The following LRCH4 variants were observed in gnomAD, a reference collection of about 807,000 sequenced individuals.
LRCH4 encodes leucine rich repeats and calponin homology domain containing 4.
In LRCH4, 56 loss-of-function variants were observed where a neutral mutation model predicts 81.2. The observed-to-expected ratio is 0.69, with a 90% CI of 0.56 to 0.86. The LOEUF is 0.86. LRCH4 is among the 40% of genes least tolerant of loss of function. The pLI, the probability that LRCH4 is intolerant of heterozygous loss-of-function variation, is 0.00. For missense variants in LRCH4, 895 were observed against 922.8 expected (o/e 0.97, Z 0.39); for synonymous variants, 442 against 409.7 (o/e 1.08, Z -0.95).
intron 4 of LRCH4, chr7:100,580,404 T>TCACACA (rs60848197): frequency 0.034 from 4,639 of 137,832 alleles, 88 homozygotes; most frequent in Middle Eastern, 0.052. Context: ...CATACACACA[T>TCACACA]CACACACACA....
chr7:100,581,443 G>A (rs1584409042), intron 4 of LRCH4, among the ~76,000 whole-genome samples: 1 of 152,196 alleles, frequency 6.6e-6, no homozygotes. Flanking sequence ...GATGGGATTA[G>A]GAAGCGAGGC....
intron 1 of LRCH4, among the ~76,000 whole-genome samples, chr7:100,585,650 C>A (rs957394105): frequency 3.3e-5 from 5 of 152,098 alleles, no homozygotes; most frequent in African/African-American, 1.2e-4. Context: ...AAGGAGGAAT[C>A]TCTCCCAACG....
chr7:100,578,994 G>A lies in LRCH4; in HGVS notation c.599-208C>T, dbSNP rs1225058964. 4 of 577,748 alleles carry A rather than the reference G, an allele frequency of 6.9e-6. No homozygotes were observed. Among genetic ancestry groups the A allele is most frequent in the African/African-American group, 1.9e-5 (1 of 53,186 alleles). The allele number at this position is 577,748 out of a possible 1,614,324, so 35.8% of individuals were successfully genotyped here. On this transcript the variant is annotated intron_variant, in intron 4 of 17. Coordinates refer to ENST00000310300, the MANE Select transcript of LRCH4 (RefSeq NM_002319.5). The surrounding 1 kb of genome is among the most constrained non-coding windows in gnomAD (Gnocchi z 5.7). ...ACGGTCTAAGCGAGCCTCCCTGAGA[G>A]GGCCCATCTGGACGTCAGCTCAGCT... is the stretch of plus-strand genomic sequence containing the variant.
Position 100,578,039 on chromosome 7 carries a change from G to T in LRCH4, c.948+120C>A. 1.5e-6 allele frequency: 2 copies of T among 1,303,344 alleles called. No homozygotes were observed. Among genetic ancestry groups the T allele is most frequent in the Non-Finnish European group, 2.2e-6 (2 of 915,382 alleles). The allele number at this position is 1,303,344 out of a possible 1,614,324, so 80.7% of individuals were successfully genotyped here. Reference sequence around the variant, plus strand: ...CAGCCCTTCCCTGGGATGCTGGGCAGAGGGAAGGAAGAGGACAGCTCCAGC... The same window carrying T: ...CAGCCCTTCCCTGGGATGCTGGGCATAGGGAAGGAAGAGGACAGCTCCAGC... On this transcript the variant is annotated intron_variant, in intron 7 of 17. Transcript: ENST00000310300. The surrounding 1 kb of genome is among the most constrained non-coding windows in gnomAD (Gnocchi z 5.7).
In LRCH4 at chr7:100,575,639, ACCAT is replaced by A; in HGVS notation, c.1854+62_1854+65del. 1 of 1,566,254 alleles carries A rather than the reference ACCAT, an allele frequency of 6.4e-7. No homozygotes were observed. The highest frequency in any genetic ancestry group is 8.8e-7 in the Non-Finnish European group (1 of 1,136,344). On this transcript the variant is annotated intron_variant, in intron 17 of 17. Transcript: ENST00000310300. This position sits in a 1 kb window ranked among gnomAD's most constrained non-coding sequence, Gnocchi z 5.3. The stretch of plus-strand genomic sequence containing the variant: ...AGACATCCGCTGCAAATGGAAGCCC[ACCAT>A]CCATGCCACATGCTCGGCTGAGTCC...
Position 100,577,519 on chromosome 7 carries a change from T to G in LRCH4, c.1156A>C (p.Arg386=), listed in dbSNP as rs1345002506. Residue 386 remains arginine, a synonymous_variant, in exon 10 of 18, where the codon AGG becomes CGG. Coordinates refer to ENST00000310300, the MANE Select transcript of LRCH4 (RefSeq NM_002319.5). The surrounding 1 kb of genome is among the most constrained non-coding windows in gnomAD (Gnocchi z 6.7). ...PPELSPGAGD[R]ERAPSSRREE... ...TACCTGCTGCTTGGTGCCCTCTCCC[T>G]GTCCCCTGCCCCAGGGCTTAATTCG... is the stretch of plus-strand genomic sequence containing the variant. The G allele has an allele frequency of 6.2e-7, 1 of 1,610,050 alleles. No individual in the cohort carries two copies. The highest frequency in any genetic ancestry group is 2.2e-5 in the East Asian group (1 of 44,868).
Position 100,576,349 on chromosome 7 carries a change from C to T in LRCH4, c.1553-26G>A, listed in dbSNP as rs776280587. ...CTAGGAGAAAAAGGGGGGCATGGGGCTGCCTCCACTGCTCACCACTGACTC... is the reference window on the plus strand; with the variant it reads ...CTAGGAGAAAAAGGGGGGCATGGGGTTGCCTCCACTGCTCACCACTGACTC... On this transcript the variant is annotated intron_variant, in intron 14 of 17. Coordinates refer to ENST00000310300, the MANE Select transcript of LRCH4 (RefSeq NM_002319.5). 16 of 1,512,810 alleles carry T rather than the reference C, an allele frequency of 1.1e-5. No homozygotes were observed. The Admixed American group carries it at 1.8e-4, about 17-fold the overall frequency. 93.7% of individuals were successfully genotyped at this position (1,512,810 alleles called of 1,614,324 possible). A position where few individuals can be genotyped will look rare whatever the true frequency, so the allele number is the denominator to read the frequency against.
At chr7:100,584,535 C>CA (rs973694724) in intron 1 of LRCH4, among the ~76,000 whole-genome samples, 2 of 133,684 alleles carry the variant, frequency 1.5e-5, no homozygotes, top group African/African-American at 5.7e-5. Context: ...TGGTCTTTGT[C>CA]AAAAAACAAC....
chr7:100,574,744 G>T lies in LRCH4; in HGVS notation c.*363C>A. The T allele has an allele frequency of 4.2e-6, 1 of 236,184 alleles. No individual in the cohort carries two copies. The highest frequency in any genetic ancestry group is 8.4e-6 in the Non-Finnish European group (1 of 119,438). 14.6% of individuals were successfully genotyped at this position (236,184 alleles called of 1,614,324 possible). A position where few individuals can be genotyped will look rare whatever the true frequency, so the allele number is the denominator to read the frequency against. ...AAATATAGATCCTCTCTACAAAATA[G>T]AGATAATTTAGCCCCCCCATAGCAG... On this transcript the variant is annotated 3_prime_UTR_variant, in exon 18 of 18. Coordinates refer to ENST00000310300, the MANE Select transcript of LRCH4 (RefSeq NM_002319.5).
rs1801276903 is a variant in LRCH4 at position 100,574,625 on chromosome 7, C to CGT, written c.*481_*482insAC. 1 of 154,290 alleles carries CGT rather than the reference C, an allele frequency of 6.5e-6. No homozygotes were observed. Among genetic ancestry groups the CGT allele is most frequent in the African/African-American group, 2.4e-5 (1 of 41,042 alleles). 9.6% of individuals were successfully genotyped at this position (154,290 alleles called of 1,614,324 possible). On this transcript the variant is annotated 3_prime_UTR_variant, in exon 18 of 18. Transcript: ENST00000310300. ...CACCAACACGCGGAGCAGACGCGCG[C>CGT]GCGCGCGCACACACACACACACAGG...
Position 100,582,543 on chromosome 7 carries a change from C to T in LRCH4, c.221-84G>A. The T allele has an allele frequency of 7.5e-7, 1 of 1,326,400 alleles. No homozygotes were observed. The highest frequency in any genetic ancestry group is 2.0e-5 in the Admixed American group (1 of 50,206). The allele number at this position is 1,326,400 out of a possible 1,614,324, so 82.2% of individuals were successfully genotyped here. A position where few individuals can be genotyped will look rare whatever the true frequency, so the allele number is the denominator to read the frequency against. ...CAGTCCCCCCAGAGCCGGCTGCCCA[C>T]TCCCTCACCTCCACACCTAAAGATT... is the stretch of plus-strand genomic sequence containing the variant. On this transcript the variant is annotated intron_variant, in intron 1 of 17. Transcript: ENST00000310300. The surrounding 1 kb of genome is among the most constrained non-coding windows in gnomAD (Gnocchi z 5.0).
Position 100,575,767 on chromosome 7 carries a change from G to A in LRCH4, c.1792C>T (p.Leu598Phe). The change falls in exon 17 of 18, where the codon CTC (leucine) becomes TTC (phenylalanine). Residue 598 changes from leucine (L) to phenylalanine (F), a missense_variant. Around this residue, in one of 3 missense-constraint regions of LRCH4, gnomAD observed 529 missense variants for 504.9 expected, o/e 1.05. Coordinates refer to ENST00000310300, the MANE Select transcript of LRCH4 (RefSeq NM_002319.5). This position sits in a 1 kb window ranked among gnomAD's most constrained non-coding sequence, Gnocchi z 5.3. ...CTCTCCACATTCTTCCGAGCCTTGA[G>A]GGCACTGAGTTTTGGCTGGGGTGGG... ...PSPAVPKLSA[L>F]KARKNVESFL... The A allele has an allele frequency of 6.2e-7, 1 of 1,610,822 alleles. No individual in the cohort carries two copies. The highest frequency in any genetic ancestry group is 2.2e-5 in the East Asian group (1 of 44,790).
At position 100,578,674 on chromosome 7, in the gene LRCH4, G is replaced by A. The variant is rs745756104; in HGVS notation, c.711C>T (p.Asn237=). Residue 237 remains asparagine, a synonymous_variant, in exon 5 of 18, where the codon AAC becomes AAT. Coordinates refer to ENST00000310300, the MANE Select transcript of LRCH4 (RefSeq NM_002319.5). This position sits in a 1 kb window ranked among gnomAD's most constrained non-coding sequence, Gnocchi z 5.7. ...RHLQVILLDS[N]PLQSPPAQVC... ...CCTGGGCAGGTGGACTCTGCAGAGG[G>A]TTGCTGTCCAGCAGAATGACCTGCA... The A allele has an allele frequency of 1.2e-6, 2 of 1,614,178 alleles. No individual in the cohort carries two copies. Among genetic ancestry groups the A allele is most frequent in the African/African-American group, 1.3e-5 (1 of 75,060 alleles).
At chr7:100,584,126 G>A (rs1801643101) in intron 1 of LRCH4, 1 of 456,494 alleles carries the variant, frequency 2.2e-6, no homozygotes, top group Admixed American at 2.4e-5. Flanking sequence ...GGGAGGGGAA[G>A]GCTCAAGGCA....
rs888559846 is a variant in LRCH4, at chr7:100,575,847, A to G, written c.1776+24T>C. 5 of 1,610,806 alleles carry G rather than the reference A, an allele frequency of 3.1e-6. No homozygotes were observed. The highest frequency in any genetic ancestry group is 3.4e-6 in the Non-Finnish European group (4 of 1,177,724). On this transcript the variant is annotated intron_variant, in intron 16 of 17. Transcript: ENST00000310300. The surrounding 1 kb of genome is among the most constrained non-coding windows in gnomAD (Gnocchi z 5.3). ...CCACAGGCGCCCCGGCCCATCCCCCACCTCTTCCCCAGCCCCAACTGACCA... is the reference window on the plus strand; with the variant it reads ...CCACAGGCGCCCCGGCCCATCCCCCGCCTCTTCCCCAGCCCCAACTGACCA...
intron 14 of LRCH4, 87 bp downstream of exon 14, chr7:100,576,607 A>G: frequency 3.4e-6 from 4 of 1,186,120 alleles, no homozygotes; most frequent in Non-Finnish European, 4.8e-6. Context: ...GGTACAACAG[A>G]CCCAGAGGGC....
In LRCH4 at chr7:100,581,549, C is replaced by T. The variant is rs182702318; in HGVS notation, c.598+228G>A. ...GCCCCAGAGGGCTGTCTCTGCTCTC[C>T]GCCATCGGAGAGTACCACAAGGAGC... On this transcript the variant is annotated intron_variant, in intron 4 of 17. Transcript: ENST00000310300. 2.8e-3 allele frequency: 1,359 copies of T among 484,670 alleles called. 6 individuals are homozygous for T. The highest frequency in any genetic ancestry group is 3.4e-3 in the Non-Finnish European group (927 of 270,986). The allele number at this position is 484,670 out of a possible 1,614,324, so 30.0% of individuals were successfully genotyped here. A position where few individuals can be genotyped will look rare whatever the true frequency, so the allele number is the denominator to read the frequency against.
chr7:100,578,398 C>G lies in LRCH4; in HGVS notation c.848+1G>C. The G allele has an allele frequency of 6.2e-7, 1 of 1,613,334 alleles. No homozygotes were observed. The highest frequency in any genetic ancestry group is 8.5e-7 in the Non-Finnish European group (1 of 1,179,556). On this transcript the variant is annotated splice_donor_variant, in intron 6 of 17. Coordinates refer to ENST00000310300, the MANE Select transcript of LRCH4 (RefSeq NM_002319.5). LOFTEE classifies it high-confidence loss of function. The surrounding 1 kb of genome is among the most constrained non-coding windows in gnomAD (Gnocchi z 5.7). ...TTCCTTCCTCCCCACCTAGGACTTA[C>G]CAGGGACTGAAACTCGGGGGCCGAG...
At chr7:100,584,969 G>A in intron 1 of LRCH4, 8 of 359,594 alleles carry the variant, frequency 2.2e-5, no homozygotes, top group South Asian at 1.4e-4. Context: ...CTGAGTAGCT[G>A]AGGCTTGACT....
Sources: gnomAD v4.1 joint callset for allele counts (sites outside exome capture counted in the v4.1 genomes callset) on GRCh38, gnomAD v4.1.1 for gene constraint, gnomAD v4.1.1 regional missense constraint, Gnocchi (gnomAD v3.1) non-coding constraint, MANE v1.5 for transcripts, NCBI Gene and HGNC (gene_info 2026-07-23, HGNC 2026-07-21) for gene names.